PTPRR: variants seen among roughly 807,000 people sequenced by gnomAD.
The protein encoded by PTPRR is protein tyrosine phosphatase receptor type R.
A neutral mutation model predicts 77.2 loss-of-function variants in PTPRR; 38 were observed. The observed-to-expected ratio is 0.49, with a 90% confidence interval of 0.38 to 0.65. The LOEUF is 0.65. Ranked by LOEUF, PTPRR falls within the 30% of genes least tolerant of loss-of-function variation. PTPRR has a pLI of 0.00. For synonymous variants in PTPRR, 299 were observed against 283.1 expected, an observed-to-expected ratio of 1.06 and a Z score of -0.57; for missense variants, 744 against 799.2, an observed-to-expected ratio of 0.93 and a Z score of 0.83.
At chr12:70,714,287 A>T (rs1367107258) in intron 6 of PTPRR, among the ~76,000 whole-genome samples, 3 of 152,182 alleles carry the variant, frequency 2.0e-5, no homozygotes, top group East Asian at 3.8e-4. Context: ...ACATACTTAT[A>T]CTAAAGTTTT....
At chr12:70,672,498 T>C (rs1887270260) in intron 10 of PTPRR, 1 of 1,204,844 alleles carries the variant, frequency 8.3e-7, no homozygotes. Flanking sequence ...TGAGTGCTCA[T>C]GACTGGCAAA....
chr12:70,833,141 G>A (rs1351274821), intron 2 of PTPRR, among the ~76,000 whole-genome samples: 1 of 152,126 alleles, frequency 6.6e-6, no homozygotes, highest in Non-Finnish European at 1.5e-5. Flanking sequence ...GAGATTTGGA[G>A]GGAACAAATA....
chr12:70,754,437 C>T (rs1890505841), intron 4 of PTPRR, 136 bp from the exon 5 acceptor site: 2 of 1,565,382 alleles, frequency 1.3e-6, no homozygotes, highest in South Asian at 2.3e-5. Context: ...GCTGCCAGAG[C>T]TGCTTCTCAA....
chr12:70,742,832 G>A (rs11178388), intron 6 of PTPRR, among the ~76,000 whole-genome samples: 39,443 of 151,974 alleles, frequency 0.26, 6,323 homozygotes, highest in Admixed American at 0.4. Flanking sequence ...CGGCTATATG[G>A]GGAGGGGAAA....
At chr12:70,906,799 C>T (rs1204123112) in intron 1 of PTPRR, 4 of 151,878 alleles carry the variant, frequency 2.6e-5, no homozygotes, top group Non-Finnish European at 4.4e-5. Context: ...CATTTTGTTA[C>T]AAAAAGTTTT....
intron 13 of PTPRR, among the ~76,000 whole-genome samples, chr12:70,644,668 T>C (rs55797524): frequency 0.012 from 1,772 of 152,160 alleles, 35 homozygotes; most frequent in African/African-American, 0.04. Context: ...ACTATTATTA[T>C]TGTTATTGTT....
At chr12:70,669,134 C>T (rs866587749) in intron 10 of PTPRR, among the ~76,000 whole-genome samples, 7 of 151,996 alleles carry the variant, frequency 4.6e-5, no homozygotes, top group Non-Finnish European at 1.0e-4. Flanking sequence ...AATACAATAC[C>T]CTCTTTTATT....
chr12:70,713,460 G>C (rs1334549595), intron 6 of PTPRR, among the ~76,000 whole-genome samples: 3 of 151,950 alleles, frequency 2.0e-5, no homozygotes, highest in Non-Finnish European at 4.4e-5. Context: ...AACTTTTTGA[G>C]AAACTACCAA....
At chr12:70,644,731 G>A (rs536556767) in intron 13 of PTPRR, among the ~76,000 whole-genome samples, 1 of 152,266 alleles carries the variant, frequency 6.6e-6, no homozygotes, top group African/African-American at 2.4e-5. Flanking sequence ...GGAGGCTCTG[G>A]AGTGAGGCCC....
chr12:70,645,671 A>T (rs1234373250), intron 13 of PTPRR, among the ~76,000 whole-genome samples: 1 of 152,210 alleles, frequency 6.6e-6, no homozygotes, highest in Non-Finnish European at 1.5e-5. Context: ...GTGTTTGGCC[A>T]GGCCAGAGAG....
chr12:70,729,745 A>C (rs1184019633), intron 6 of PTPRR, among the ~76,000 whole-genome samples: 1 of 152,126 alleles, frequency 6.6e-6, no homozygotes, highest in African/African-American at 2.4e-5. Flanking sequence ...CATGGCAATA[A>C]AAAAGAGACA....
At chr12:70,710,591 G>T (rs71322382) in intron 6 of PTPRR, among the ~76,000 whole-genome samples, 1 of 152,076 alleles carries the variant, frequency 6.6e-6, no homozygotes, top group East Asian at 1.9e-4. Flanking sequence ...CACAGCAAAA[G>T]AAACTATCAA....
At chr12:70,773,529 G>A (rs1891025725) in intron 2 of PTPRR, among the ~76,000 whole-genome samples, 1 of 152,134 alleles carries the variant, frequency 6.6e-6, no homozygotes, top group East Asian at 1.9e-4. Context: ...AGGTCCATTA[G>A]AAGCATAATT....
chr12:70,718,025 A>C (rs1353686975), intron 6 of PTPRR, among the ~76,000 whole-genome samples: 6 of 152,216 alleles, frequency 3.9e-5, no homozygotes, highest in Non-Finnish European at 8.8e-5. Context: ...AGAAAAATAC[A>C]ATCTTCTTTT....
chr12:70,907,770 C>G (rs1893643802), intron 1 of PTPRR, among the ~76,000 whole-genome samples: 1 of 152,156 alleles, frequency 6.6e-6, no homozygotes, highest in South Asian at 2.1e-4. Flanking sequence ...ATCAGATGTC[C>G]CCCAGTTTCT....
At chr12:70,814,760 T>A (rs926057262) in intron 2 of PTPRR, among the ~76,000 whole-genome samples, 2 of 152,196 alleles carry the variant, frequency 1.3e-5, no homozygotes, top group Non-Finnish European at 2.9e-5. Flanking sequence ...TAGAGTAAAC[T>A]GCTCTGGTTC....
chr12:70,871,620 A>T (rs566037505), intron 2 of PTPRR, among the ~76,000 whole-genome samples: 3 of 152,232 alleles, frequency 2.0e-5, no homozygotes, highest in Non-Finnish European at 4.4e-5. Context: ...TAGAAAAATT[A>T]TATGGGGACT....
rs58439089 is a variant in PTPRR, at chr12:70,919,673, G to GTTTTTTTTT, written c.58+651_58+659dup. On this transcript the variant is annotated intron_variant, in intron 1 of 13. Coordinates refer to ENST00000283228, the MANE Select transcript of PTPRR (RefSeq NM_002849.4). The stretch of plus-strand genomic sequence containing the variant: ...GGTTGTCAGCTTTGGAACTGTAATT[G>GTTTTTTTTT]TTTTTTTTTTTTTTTTTTTTTTTTT... Among the ~76,000 whole-genome samples, 37 of 110,068 alleles carry GTTTTTTTTT rather than the reference G, an allele frequency of 3.4e-4. 3 individuals carry two copies. The highest frequency in any genetic ancestry group is 5.3e-4 in the Non-Finnish European group (28 of 52,358). 72.2% of individuals were successfully genotyped at this position (110,068 alleles called of 152,430 possible).
intron 6 of PTPRR, among the ~76,000 whole-genome samples, chr12:70,741,915 T>C (rs1890060188): frequency 6.6e-6 from 1 of 152,144 alleles, no homozygotes; most frequent in Non-Finnish European, 1.5e-5. Context: ...GCCCAGGTTT[T>C]CCTATGCCTC....
Sources: gnomAD v4.1 joint callset for allele counts (sites outside exome capture counted in the v4.1 genomes callset) on GRCh38, gnomAD v4.1.1 for gene constraint, MANE v1.5 for transcripts, NCBI Gene and HGNC (gene_info 2026-07-23, HGNC 2026-07-21) for gene names.